XPO1: variants seen among roughly 807,000 people sequenced by gnomAD.
The protein encoded by XPO1 is exportin-1.
A neutral mutation model predicts 133.3 loss-of-function variants in XPO1; 5 were observed. That is an observed-to-expected ratio of 0.04 (90% CI 0.02 to 0.08). XPO1 has a LOEUF of 0.08. Ranked by LOEUF, XPO1 falls within the 10% of genes least tolerant of loss-of-function variation. The probability of loss-of-function intolerance (pLI) is 1.00; values close to 1 mark genes in which losing one functional copy is unlikely to be tolerated. For missense variants in XPO1, 506 were observed against 1,267.5 expected, an observed-to-expected ratio of 0.40 and a Z score of 9.12; for synonymous variants, 419 against 408.2, an observed-to-expected ratio of 1.03 and a Z score of -0.32.
intron 23 of XPO1, 43 bp from the exon 24 acceptor site, chr2:61,481,324 C>T (rs988853589): frequency 4.0e-6 from 6 of 1,497,928 alleles, no homozygotes; most frequent in South Asian, 3.6e-5. Flanking sequence ...TTTATTTTTC[C>T]CCCGAGACAG....
chr2:61,482,358 G>A (rs183225841), intron 23 of XPO1, 22 bp downstream of exon 23: 130 of 1,576,956 alleles, frequency 8.2e-5, no homozygotes, highest in African/African-American at 5.3e-4. Context: ...AACATTCTAC[G>A]TTTATTAAAA....
At chr2:61,504,512 C>T (rs1450834337) in intron 4 of XPO1, among the ~76,000 whole-genome samples, 2 of 152,126 alleles carry the variant, frequency 1.3e-5, no homozygotes, top group African/African-American at 2.4e-5. Flanking sequence ...CGCTTTGTCA[C>T]CAAATCAGTT....
At chr2:61,510,849 A>G (rs959835997) in intron 4 of XPO1, among the ~76,000 whole-genome samples, 3 of 148,626 alleles carry the variant, frequency 2.0e-5, no homozygotes, top group African/African-American at 7.4e-5. Context: ...ACGCAGGAGG[A>G]TTGCTAGAGC....
chr2:61,488,420 A>C, intron 18 of XPO1, 149 bp from the exon 19 acceptor site: 1 of 1,190,068 alleles, frequency 8.4e-7, no homozygotes, highest in Non-Finnish European at 1.2e-6. Context: ...CTTTAAGACT[A>C]ATTTTAAAAG....
At chr2:61,526,170 A>T in intron 3 of XPO1, 1 of 1,289,654 alleles carries the variant, frequency 7.8e-7, no homozygotes, top group Non-Finnish European at 9.8e-7. Context: ...TACATATACT[A>T]AAAAGAAAAA....
At chr2:61,488,566 G>T in intron 18 of XPO1, 22 bp downstream of exon 18, 1 of 1,607,806 alleles carries the variant, frequency 6.2e-7, no homozygotes, top group Non-Finnish European at 8.5e-7. Context: ...ACTGCATTGT[G>T]TAAGAAATCA....
At chr2:61,507,739 A>G (rs936391211) in intron 4 of XPO1, among the ~76,000 whole-genome samples, 1 of 152,128 alleles carries the variant, frequency 6.6e-6, no homozygotes, top group East Asian at 1.9e-4. Context: ...TTAGCTCAGC[A>G]TGGTGGCTTG....
intron 6 of XPO1, among the ~76,000 whole-genome samples, chr2:61,501,267 T>C (rs564304187): frequency 6.6e-6 from 1 of 152,278 alleles, no homozygotes; most frequent in East Asian, 1.9e-4. Context: ...GGAAAAAATT[T>C]TATGATATTA....
At chr2:61,525,767 C>T in intron 3 of XPO1, 3 of 1,031,426 alleles carry the variant, frequency 2.9e-6, no homozygotes, top group Non-Finnish European at 3.5e-6. Context: ...GTTTCAGAAA[C>T]AGATGTGAAT....
At chr2:61,504,626 G>T (rs1052019869) in intron 4 of XPO1, among the ~76,000 whole-genome samples, 1 of 152,148 alleles carries the variant, frequency 6.6e-6, no homozygotes, top group South Asian at 2.1e-4. Context: ...ATATAGAACT[G>T]AGTGAAATTT....
Position 61,493,046 on chromosome 2 carries a change from A to G in XPO1, c.1253T>C (p.Leu418Ser). Residue 418 changes from leucine (L) to serine (S), a missense_variant, in exon 13 of 25, where the codon TTA becomes TCA. By Grantham distance (145) the Leu-to-Ser change is moderately radical. This residue lies in a region of XPO1 where 134 missense variants were observed against 261.6 expected (regional missense o/e 0.51). Transcript: ENST00000401558. ...LYLPMLFKVRLLMVSRMAKPE... is the reference protein window; with the variant it reads ...LYLPMLFKVRSLMVSRMAKPE... ...TTTAGCCATTCGACTAACCATTAAT[A>G]AACGGACCTATACTCAACAATATAT... The G allele has an allele frequency of 1.3e-6, 2 of 1,598,352 alleles. No homozygotes were observed. The highest frequency in any genetic ancestry group is 1.7e-6 in the Non-Finnish European group (2 of 1,176,412).
At chr2:61,525,572 C>T (rs1698877081) in intron 3 of XPO1, 5 of 1,015,088 alleles carry the variant, frequency 4.9e-6, no homozygotes, top group Non-Finnish European at 3.5e-6. Flanking sequence ...GTTGATAAAT[C>T]AACTTAAACA....
intron 23 of XPO1, among the ~76,000 whole-genome samples, chr2:61,481,558 T>A (rs1400846690): frequency 6.6e-6 from 1 of 152,132 alleles, no homozygotes; most frequent in Non-Finnish European, 1.5e-5. Context: ...GCTATTCTCC[T>A]GCCTCAGCCT....
At position 61,500,818 on chromosome 2, in the gene XPO1, T is replaced by C. The variant is rs1305479914; in HGVS notation, c.409-924A>G. Among the ~76,000 whole-genome samples, 3 of 152,004 alleles carry C rather than the reference T, an allele frequency of 2.0e-5. No individual in the cohort carries two copies. In the South Asian group the frequency reaches 6.2e-4, roughly 32 times the overall value. Reference sequence around the variant, plus strand: ...CATTTCAAACAAGAAAAGAAGAAATTATCCTAGGAGACTCAAGGATTTAAT... The same window carrying C: ...CATTTCAAACAAGAAAAGAAGAAATCATCCTAGGAGACTCAAGGATTTAAT... On this transcript the variant is annotated intron_variant, in intron 6 of 24. Transcript: ENST00000401558.
At chr2:61,533,546 C>T (rs1699248659) in intron 2 of XPO1, among the ~76,000 whole-genome samples, 1 of 152,210 alleles carries the variant, frequency 6.6e-6, no homozygotes, top group South Asian at 2.1e-4. Flanking sequence ...TAACATTTGG[C>T]TCTTAAGGAC....
rs1052098955 is a variant in XPO1, at chr2:61,493,645, A to C, written c.1245+249T>G. The C allele has an allele frequency of 3.7e-5, 15 of 410,344 alleles. No homozygotes were observed. In the East Asian group the frequency reaches 6.2e-4, roughly 17 times the overall value. The allele number at this position is 410,344 out of a possible 1,614,324, so 25.4% of individuals were successfully genotyped here. A position where few individuals can be genotyped will look rare whatever the true frequency, so the allele number is the denominator to read the frequency against. The stretch of plus-strand genomic sequence containing the variant: ...TCATTCCTAGACTCTGGTTTAGTAG[A>C]TTGGCAGGTGGCCAATGAATTTGCC... On this transcript the variant is annotated intron_variant, in intron 12 of 24. Coordinates refer to ENST00000401558, the MANE Select transcript of XPO1 (RefSeq NM_003400.4).
At chr2:61,529,666 CAAA>C (rs368005107) in intron 2 of XPO1, among the ~76,000 whole-genome samples, 2 of 84,332 alleles carry the variant, frequency 2.4e-5, no homozygotes, top group Non-Finnish European at 2.5e-5. Flanking sequence ...TGTCTCATTA[CAAA>C]AAAAAAAAAA....
chr2:61,499,079 G>A (rs929337783), intron 7 of XPO1, among the ~76,000 whole-genome samples, 166 bp from the exon 8 acceptor site: 3 of 152,182 alleles, frequency 2.0e-5, no homozygotes, highest in Non-Finnish European at 4.4e-5. Flanking sequence ...ACCAGCCTGG[G>A]CAACCCAAGG....
intron 7 of XPO1, among the ~76,000 whole-genome samples, chr2:61,499,141 A>G (rs531375457): frequency 6.6e-6 from 1 of 152,360 alleles, no homozygotes; most frequent in Non-Finnish European, 1.5e-5. Context: ...TAATGGAAGT[A>G]TAACTATAGT....
Sources: gnomAD v4.1 joint callset for allele counts (sites outside exome capture counted in the v4.1 genomes callset) on GRCh38, gnomAD v4.1.1 for gene constraint, gnomAD v4.1.1 regional missense constraint, MANE v1.5 for transcripts, NCBI Gene and HGNC (gene_info 2026-07-23, HGNC 2026-07-21) for gene names.